Variants in FLACC1 observed in about 807,000 individuals in gnomAD.
FLACC1 encodes the protein flagellum associated containing coiled-coil domains 1.
FLACC1 carries 66 observed loss-of-function variants against 62.8 expected under a neutral mutation model. The observed-to-expected ratio is 1.05, with a 90% CI of 0.86 to 1.29. The LOEUF (loss-of-function observed/expected upper bound fraction) is 1.29. FLACC1 is among the 50% of genes most tolerant of loss of function. The pLI is 0.00. For synonymous variants in FLACC1, 156 were observed against 161.0 expected (o/e 0.97, Z 0.24); for missense variants, 452 against 489.1 (o/e 0.92, Z 0.71).
intron 7 of FLACC1, among the ~76,000 whole-genome samples, chr2:201,334,325 T>C (rs1279963149): frequency 6.6e-6 from 1 of 152,254 alleles, no homozygotes; most frequent in Non-Finnish European, 1.5e-5. Context: ...TCAGTCTCAC[T>C]GGATCATGGT....
At position 201,288,577 on chromosome 2, in the gene FLACC1, G is replaced by T; in HGVS notation, c.*78C>A. The T allele has an allele frequency of 6.5e-7, 1 of 1,538,534 alleles. No homozygotes were observed. Among genetic ancestry groups the T allele is most frequent in the Admixed American group, 2.0e-5 (1 of 49,392 alleles). On this transcript the variant is annotated 3_prime_UTR_variant, in exon 15 of 15. Coordinates refer to ENST00000392257, the MANE Select transcript of FLACC1 (RefSeq NM_001127391.3). ...AAACTCATTATATGCATTTTCTCAAGAAAACCCTCCCAGGAGTTTCCTGGG... is the reference window on the plus strand; with the variant it reads ...AAACTCATTATATGCATTTTCTCAATAAAACCCTCCCAGGAGTTTCCTGGG...
intron 3 of FLACC1, among the ~76,000 whole-genome samples, chr2:201,349,211 G>A (rs72934973): frequency 0.084 from 12,790 of 152,178 alleles, 634 homozygotes; most frequent in African/African-American, 0.12. Flanking sequence ...CACTCGCTCC[G>A]CTCATGCCAC....
chr2:201,303,300 A>T (rs1284221132), intron 11 of FLACC1, among the ~76,000 whole-genome samples: 1 of 152,232 alleles, frequency 6.6e-6, no homozygotes, highest in Non-Finnish European at 1.5e-5. Context: ...TACTATAAAC[A>T]ACTCTATGCA....
intron 9 of FLACC1, among the ~76,000 whole-genome samples, chr2:201,328,813 A>G (rs971868183): frequency 2.0e-5 from 3 of 152,240 alleles, no homozygotes; most frequent in Admixed American, 1.3e-4. Flanking sequence ...CTGAAAACCT[A>G]TATTTTGAAA....
intron 11 of FLACC1, among the ~76,000 whole-genome samples, chr2:201,300,739 A>C (rs1322806062): frequency 1.3e-5 from 2 of 151,866 alleles, no homozygotes; most frequent in African/African-American, 4.8e-5. Context: ...CAGAGAAACG[A>C]TCAGGCAGCA....
intron 9 of FLACC1, among the ~76,000 whole-genome samples, chr2:201,312,403 C>T (rs1950233676): frequency 6.6e-6 from 1 of 152,060 alleles, no homozygotes; most frequent in Non-Finnish European, 1.5e-5. Context: ...TAAATTGCTG[C>T]TGAAAGAAAT....
At chr2:201,305,363 G>T (rs1950080597) in intron 11 of FLACC1, among the ~76,000 whole-genome samples, 1 of 152,154 alleles carries the variant, frequency 6.6e-6, no homozygotes, top group South Asian at 2.1e-4. Context: ...TCAGAGAAAT[G>T]CAAATCAAAA....
intron 9 of FLACC1, among the ~76,000 whole-genome samples, chr2:201,321,268 G>A (rs1439268727): frequency 6.6e-6 from 1 of 152,134 alleles, no homozygotes; most frequent in Non-Finnish European, 1.5e-5. Context: ...TGGACAGCTA[G>A]ACCCAGAGAC....
chr2:201,357,494 C>CAGTG (rs1366874376), upstream of FLACC1: 46 of 152,366 alleles, frequency 3.0e-4, no homozygotes, highest in African/African-American at 1.1e-3. Flanking sequence ...AGACACAAAT[C>CAGTG]AGTGACCACC....
At position 201,291,424 on chromosome 2, in the gene FLACC1, G is replaced by A. The variant is rs189339959; in HGVS notation, c.943-1639C>T. Among the ~76,000 whole-genome samples the A allele has an allele frequency of 7.9e-5, 12 of 152,336 alleles. No homozygotes were observed. The East Asian group carries it at 2.3e-3, about 29-fold the overall frequency. Reference sequence around the variant, plus strand: ...GATACCCAGGCAAACAGGGTCTAGAGTGGACCTCCAGCAAACTCCAACAGA... The same window carrying A: ...GATACCCAGGCAAACAGGGTCTAGAATGGACCTCCAGCAAACTCCAACAGA... On this transcript the variant is annotated intron_variant, in intron 12 of 14. Transcript: ENST00000392257.
Position 201,330,808 on chromosome 2 carries a change from C to T in FLACC1, c.550G>A (p.Glu184Lys), listed in dbSNP as rs1263709782. 1.4e-5 allele frequency: 23 copies of T among 1,613,526 alleles called. No homozygotes were observed. Among genetic ancestry groups the T allele is most frequent in the Non-Finnish European group, 1.8e-5 (21 of 1,180,002 alleles). The change falls in exon 8 of 15, where the codon GAA becomes AAA. Residue 184 changes from glutamate to lysine, a missense_variant. Transcript: ENST00000392257. ...TAGTTGTTCTCCAACTCACTGAGTT[C>T]TGCTTCATGGGCCTCTTTGAGCTCC... ...NRELKEAHEA[E>K]LSELENNYKA...
upstream of FLACC1, among the ~76,000 whole-genome samples, chr2:201,358,786 C>T (rs1343034471): frequency 6.6e-6 from 1 of 152,144 alleles, no homozygotes; most frequent in Non-Finnish European, 1.5e-5. Context: ...GTCTTGTACT[C>T]CTGAATTCAA....
At chr2:201,337,885 C>A (rs1950726576) in intron 7 of FLACC1, among the ~76,000 whole-genome samples, 1 of 152,148 alleles carries the variant, frequency 6.6e-6, no homozygotes, top group Admixed American at 6.5e-5. Flanking sequence ...CACAGGATTG[C>A]TTTGGCTATT....
intron 7 of FLACC1, 37 bp downstream of exon 7, chr2:201,342,333 C>T: frequency 6.2e-7 from 1 of 1,608,152 alleles, no homozygotes; most frequent in Non-Finnish European, 8.5e-7. Context: ...CCCTTAGAGC[C>T]ATCAACACAC....
At position 201,309,925 on chromosome 2, in the gene FLACC1, A is replaced by AGGAG. The variant is rs1553611895; in HGVS notation, c.676-676_676-675insCTCC. Among the ~76,000 whole-genome samples the AGGAG allele has an allele frequency of 6.0e-5, 6 of 99,464 alleles. No individual in the cohort carries two copies. The East Asian group carries it at 2.6e-3, about 43-fold the overall frequency. The allele number at this position is 99,464 out of a possible 152,430, so 65.3% of individuals were successfully genotyped here. On this transcript the variant is annotated intron_variant, in intron 9 of 14. Coordinates refer to ENST00000392257, the MANE Select transcript of FLACC1 (RefSeq NM_001127391.3). The stretch of plus-strand genomic sequence containing the variant: ...TGTCTCAAAAAAAAAAAAAAAAAAA[A>AGGAG]AAGAAGAAGAAAGGAAATACCTAGT...
upstream of FLACC1, among the ~76,000 whole-genome samples, chr2:201,361,033 G>A (rs961423501): frequency 1.6e-4 from 25 of 152,130 alleles, no homozygotes; most frequent in African/African-American, 5.1e-4. Context: ...AGCCAAGATC[G>A]TGCCACTGCA....
chr2:201,304,292 CA>C (rs1559390929), intron 11 of FLACC1, among the ~76,000 whole-genome samples: 1 of 152,034 alleles, frequency 6.6e-6, no homozygotes, highest in South Asian at 2.1e-4. Flanking sequence ...CAATAACAGA[CA>C]AACAGAGAGC....
intron 1 of FLACC1, among the ~76,000 whole-genome samples, chr2:201,355,558 G>GA (rs555749695): frequency 9.8e-4 from 135 of 137,346 alleles, no homozygotes; most frequent in South Asian, 3.4e-3. Flanking sequence ...TTGCTCTTAA[G>GA]AAAAAAAAAA....
intron 14 of FLACC1, among the ~76,000 whole-genome samples, chr2:201,289,158 C>G (rs1257829541): frequency 7.2e-5 from 5 of 69,348 alleles, no homozygotes; most frequent in African/African-American, 1.6e-4. Context: ...GATTTAAAAA[C>G]CACCCTCAGT....
Sources: allele counts gnomAD v4.1 joint callset (sites outside exome capture counted in the v4.1 genomes callset), GRCh38; gene constraint gnomAD v4.1.1; transcripts MANE v1.5; gene names NCBI Gene and HGNC (gene_info 2026-07-23, HGNC 2026-07-21).